OTOGL: variants seen among roughly 807,000 people sequenced by gnomAD.
The protein encoded by OTOGL is otogelin like.
Under a neutral mutation model 318.5 loss-of-function variants are expected in OTOGL, and 285 were observed. The observed-to-expected ratio is 0.89, with a 90% CI of 0.81 to 0.99. The LOEUF (loss-of-function observed/expected upper bound fraction) is 0.99. Among genes scored for constraint, OTOGL ranks in the 50% least tolerant of loss-of-function variants. The pLI, the probability that OTOGL is intolerant of heterozygous loss-of-function variation, is 0.00. For synonymous variants in OTOGL, 987 were observed against 936.5 expected (o/e 1.05, Z -0.99); for missense variants, 2,899 against 2,845.6 (o/e 1.02, Z -0.43).
At chr12:80,212,878 A>G (rs958509) in intron 4 of OTOGL, among the ~76,000 whole-genome samples, 41 of 152,000 alleles carry the variant, frequency 2.7e-4, no homozygotes, top group Non-Finnish European at 4.6e-4. Context: ...TAGAAGACAG[A>G]ACTGATTTAT....
chr12:80,265,410 T>G, intron 20 of OTOGL, 200 bp downstream of exon 20: 1 of 616,622 alleles, frequency 1.6e-6, no homozygotes, highest in South Asian at 2.2e-5. Flanking sequence ...CAATAACTTT[T>G]GACTAGTTTT....
intron 1 of OTOGL, among the ~76,000 whole-genome samples, chr12:80,190,497 G>C (rs61950570): frequency 0.021 from 3,245 of 152,220 alleles, 53 homozygotes; most frequent in Non-Finnish European, 0.032. Context: ...CAGTTTAAGA[G>C]TGAATCCAGG....
chr12:80,121,991 T>G (rs1870514468), intron 1 of OTOGL, among the ~76,000 whole-genome samples: 1 of 152,148 alleles, frequency 6.6e-6, no homozygotes, highest in African/African-American at 2.4e-5. Context: ...GAGAAAGAGA[T>G]GAGTGCAAAA....
At chr12:80,144,349 T>G (rs957902951) in intron 1 of OTOGL, among the ~76,000 whole-genome samples, 2 of 151,596 alleles carry the variant, frequency 1.3e-5, no homozygotes, top group African/African-American at 4.9e-5. Context: ...AATGATGATT[T>G]CCAATTTCAT....
At chr12:80,242,798 G>A (rs565717677) in intron 11 of OTOGL, among the ~76,000 whole-genome samples, 28 of 152,092 alleles carry the variant, frequency 1.8e-4, no homozygotes, top group African/African-American at 4.1e-4. Context: ...ATGACACAAC[G>A]CCCTAAATTC....
rs1565974856 is a variant in OTOGL, at chr12:80,310,591, CTCTT to C, written c.3334-19_3334-16del. On this transcript the variant is annotated splice_polypyrimidine_tract_variant and intron_variant, in intron 29 of 58. Transcript: ENST00000547103. ...TTGTCCCTTTGAAAACTTCTTTTCT[CTCTT>C]AAATTTTTTCAACAGTGTGAAAGTC... 6.6e-7 allele frequency: 1 copy of C among 1,518,366 alleles called. No homozygotes were observed. The highest frequency in any genetic ancestry group is 1.7e-5 in the Admixed American group (1 of 58,052). The allele number at this position is 1,518,366 out of a possible 1,614,324, so 94.1% of individuals were successfully genotyped here. A position where few individuals can be genotyped will look rare whatever the true frequency, so the allele number is the denominator to read the frequency against.
At chr12:80,203,599 C>T (rs1343707542) in intron 1 of OTOGL, among the ~76,000 whole-genome samples, 6 of 152,026 alleles carry the variant, frequency 3.9e-5, no homozygotes, top group East Asian at 1.9e-4. Flanking sequence ...GCATAAAGAG[C>T]GAGGTAAGAG....
chr12:80,181,324 A>T (rs1313186308), intron 1 of OTOGL, among the ~76,000 whole-genome samples: 3 of 135,004 alleles, frequency 2.2e-5, no homozygotes, highest in Non-Finnish European at 4.7e-5. Flanking sequence ...TTTCTTTTTA[A>T]ATTTACTTCT....
At chr12:80,243,509 TA>T (rs1003887683) in intron 11 of OTOGL, among the ~76,000 whole-genome samples, 1 of 151,120 alleles carries the variant, frequency 6.6e-6, no homozygotes, top group Non-Finnish European at 1.5e-5. Context: ...CTTGAAACAT[TA>T]AAAAAAAGGT....
intron 1 of OTOGL, among the ~76,000 whole-genome samples, chr12:80,184,586 G>T (rs1875155101): frequency 6.6e-6 from 1 of 152,106 alleles, no homozygotes. Flanking sequence ...GGAAGATAAT[G>T]GCCCTATTTA....
chr12:80,310,567 T>C (rs1886562242), intron 29 of OTOGL, 44 bp from the exon 30 acceptor site: 2 of 1,346,434 alleles, frequency 1.5e-6, no homozygotes, highest in East Asian at 4.6e-5. Context: ...TTTGAGAAAT[T>C]GTCCCTTTGA....
At chr12:80,263,119 C>T (rs372231449) in intron 19 of OTOGL, among the ~76,000 whole-genome samples, 17 of 152,120 alleles carry the variant, frequency 1.1e-4, no homozygotes, top group African/African-American at 4.1e-4. Flanking sequence ...AACTTGAAAA[C>T]GTTTCTTAAC....
Position 80,229,353 on chromosome 12 carries a change from C to A in OTOGL, c.586C>A (p.His196Asn). The A allele has an allele frequency of 6.3e-7, 1 of 1,595,174 alleles. No individual in the cohort carries two copies. The highest frequency in any genetic ancestry group is 1.1e-5 in the South Asian group (1 of 90,922). The change falls in exon 8 of 59, where the codon CAT becomes AAT. Residue 196 changes from histidine to asparagine, a missense_variant. This residue lies in a region of OTOGL where 2,607 missense variants were observed against 2,524.9 expected (regional missense o/e 1.03). Transcript: ENST00000547103. ...SNQEEIRIYG[H>N]EIKKNGISLT... ...CCAAGAGGAAATTCGAATTTATGGT[C>A]ATGAAATAAAAAAGAATGGAATCAG...
chr12:80,379,323 G>A lies in OTOGL; in HGVS notation c.*1275G>A, dbSNP rs1201621031. ...TTGCAAAGCAGATACTGGGCCTCAA[G>A]GGTGGGCTTAGGCTTAAACTAGATT... On this transcript the variant is annotated 3_prime_UTR_variant, in exon 59 of 59. Transcript: ENST00000547103. 2 of 151,972 alleles carry A rather than the reference G, an allele frequency of 1.3e-5. No homozygotes were observed. Among genetic ancestry groups the A allele is most frequent in the South Asian group, 2.1e-4 (1 of 4,824 alleles). The allele number at this position is 151,972 out of a possible 1,614,324, so 9.4% of individuals were successfully genotyped here. A position where few individuals can be genotyped will look rare whatever the true frequency, so the allele number is the denominator to read the frequency against.
At chr12:80,274,595 G>A (rs985432852) in intron 24 of OTOGL, among the ~76,000 whole-genome samples, 5 of 152,050 alleles carry the variant, frequency 3.3e-5, no homozygotes, top group African/African-American at 9.7e-5. Context: ...ATTGATGAAG[G>A]TGGCTACACT....
chr12:80,148,404 G>A (rs1401570417), intron 1 of OTOGL, among the ~76,000 whole-genome samples: 2 of 149,496 alleles, frequency 1.3e-5, no homozygotes, highest in African/African-American at 4.9e-5. Context: ...TGGCTTGTAG[G>A]GTTTCTGCCG....
intron 1 of OTOGL, among the ~76,000 whole-genome samples, chr12:80,121,312 T>C (rs1220164398): frequency 6.6e-6 from 1 of 152,198 alleles, no homozygotes; most frequent in African/African-American, 2.4e-5. Context: ...TTTCTATGTG[T>C]ATGCAGCTTA....
chr12:80,116,672 G>C (rs2137090377), intron 1 of OTOGL, among the ~76,000 whole-genome samples: 1 of 152,284 alleles, frequency 6.6e-6, no homozygotes, highest in Non-Finnish European at 1.5e-5. Context: ...TCCCAGGAAA[G>C]CTGGTGTGGG....
chr12:80,331,977 G>A (rs548378016), intron 37 of OTOGL, among the ~76,000 whole-genome samples: 3 of 152,172 alleles, frequency 2.0e-5, no homozygotes, highest in South Asian at 2.1e-4. Flanking sequence ...TGAAGATTTC[G>A]TGCTGTGGTT....
Sources: gnomAD v4.1 joint callset for allele counts (sites outside exome capture counted in the v4.1 genomes callset) on GRCh38, gnomAD v4.1.1 for gene constraint, gnomAD v4.1.1 regional missense constraint, MANE v1.5 for transcripts, NCBI Gene and HGNC (gene_info 2026-07-23, HGNC 2026-07-21) for gene names.